Variants in MRPS9 observed in about 807,000 individuals in gnomAD.
MRPS9 encodes small ribosomal subunit protein uS9m.
Under a neutral mutation model 59.9 loss-of-function variants are expected in MRPS9, and 45 were observed. The ratio of observed to expected loss-of-function variants is 0.75; its 90% CI spans 0.59 to 0.96. MRPS9 has a LOEUF of 0.96. Ranked by LOEUF, MRPS9 falls within the 40% of genes least tolerant of loss-of-function variation. The probability of loss-of-function intolerance (pLI) is 0.00; values close to 1 mark genes in which losing one functional copy is unlikely to be tolerated. For synonymous variants in MRPS9, 171 were observed against 166.8 expected (o/e 1.03, Z -0.19); for missense variants, 473 against 481.1 (o/e 0.98, Z 0.16).
chr2:105,067,402 A>G lies in MRPS9; in HGVS notation c.316-3911A>G, dbSNP rs377473151. Among the ~76,000 whole-genome samples the G allele has an allele frequency of 8.8e-4, 134 of 152,294 alleles. 1 individual carries two copies. Among genetic ancestry groups the G allele is most frequent in the African/African-American group, 3.1e-3 (128 of 41,576 alleles). On this transcript the variant is annotated intron_variant, in intron 2 of 10. Coordinates refer to ENST00000258455, the MANE Select transcript of MRPS9 (RefSeq NM_182640.3). ...ATATTGTATACTTCTCGTTACATCC[A>G]CGAAGTCTGAGAGGTACATAGTCAG... is the stretch of plus-strand genomic sequence containing the variant.
intron 1 of MRPS9, among the ~76,000 whole-genome samples, chr2:105,042,144 A>G (rs759419708): frequency 2.0e-5 from 3 of 152,230 alleles, no homozygotes; most frequent in Non-Finnish European, 4.4e-5. Flanking sequence ...AGGGTTCTCC[A>G]GGCACACTTT....
At chr2:105,084,247 A>AATATAG (rs754016660) in intron 5 of MRPS9, among the ~76,000 whole-genome samples, 6 of 139,592 alleles carry the variant, frequency 4.3e-5, no homozygotes, top group Non-Finnish European at 6.2e-5. Flanking sequence ...TATATACCAA[A>AATATAG]ATATATATAT....
chr2:105,041,613 A>G (rs1170688094), intron 1 of MRPS9, among the ~76,000 whole-genome samples: 1 of 151,802 alleles, frequency 6.6e-6, no homozygotes, highest in Non-Finnish European at 1.5e-5. Flanking sequence ...CTTTAGTAGG[A>G]TCTTAATACA....
At chr2:105,068,889 A>C (rs888541426) in intron 2 of MRPS9, among the ~76,000 whole-genome samples, 4 of 152,194 alleles carry the variant, frequency 2.6e-5, no homozygotes, top group Admixed American at 1.3e-4. Context: ...TGTTCTCATA[A>C]ATCAGTGAAT....
chr2:105,063,237 G>A (rs1006812279), intron 2 of MRPS9, among the ~76,000 whole-genome samples: 1 of 152,144 alleles, frequency 6.6e-6, no homozygotes, highest in Non-Finnish European at 1.5e-5. Context: ...TCTGTGAATA[G>A]CCACTGCTCT....
chr2:105,071,559 C>T (rs374682798), intron 4 of MRPS9, 70 bp downstream of exon 4: 294 of 1,463,452 alleles, frequency 2.0e-4, no homozygotes, highest in Non-Finnish European at 2.6e-4. Flanking sequence ...TATGTATCAG[C>T]GGTTGCTCAC....
At chr2:105,072,232 T>C (rs1387538614) in intron 4 of MRPS9, among the ~76,000 whole-genome samples, 3 of 152,342 alleles carry the variant, frequency 2.0e-5, no homozygotes, top group South Asian at 2.1e-4. Context: ...TGGTTTTGAG[T>C]GTGTCTGCTG....
At chr2:105,067,327 T>C (rs1680019862) in intron 2 of MRPS9, among the ~76,000 whole-genome samples, 2 of 152,210 alleles carry the variant, frequency 1.3e-5, no homozygotes, top group South Asian at 4.1e-4. Context: ...GGCTTTCTGC[T>C]TGCTTTCTCG....
At chr2:105,064,504 C>G (rs560464303) in intron 2 of MRPS9, among the ~76,000 whole-genome samples, 1 of 152,224 alleles carries the variant, frequency 6.6e-6, no homozygotes, top group East Asian at 1.9e-4. Flanking sequence ...TTCACATGAT[C>G]CTTGAGGTTG....
At chr2:105,042,012 G>A (rs955984243) in intron 1 of MRPS9, among the ~76,000 whole-genome samples, 5 of 152,116 alleles carry the variant, frequency 3.3e-5, no homozygotes, top group African/African-American at 1.2e-4. Context: ...AAACTTTCTT[G>A]TACAATGCTT....
chr2:105,038,197 C>T lies in MRPS9; in HGVS notation c.105C>T (p.Ala35=). The change falls in exon 1 of 11, where the codon GCC becomes GCT. Residue 35 remains alanine (A), a synonymous_variant. Coordinates refer to ENST00000258455, the MANE Select transcript of MRPS9 (RefSeq NM_182640.3). ...AGCAAGGCCTCTGGAAAACCGCGGC[C>T]CCTGAGTTGCAAACAAATGTCAGAT... ...ARKQGLWKTA[A]PELQTNVRSQ... The T allele has an allele frequency of 6.2e-7, 1 of 1,612,930 alleles. No individual in the cohort carries two copies. Among genetic ancestry groups the T allele is most frequent in the Non-Finnish European group, 8.5e-7 (1 of 1,179,520 alleles).
At chr2:105,079,940 T>C (rs1283861764) in intron 4 of MRPS9, 43 bp from the exon 5 acceptor site, 1 of 1,442,494 alleles carries the variant, frequency 6.9e-7, no homozygotes, top group Middle Eastern at 1.7e-4. Context: ...GGTCTGTCTC[T>C]GTGTATATTT....
chr2:105,079,551 G>C (rs1680287580), intron 4 of MRPS9, among the ~76,000 whole-genome samples: 1 of 151,892 alleles, frequency 6.6e-6, no homozygotes, highest in Non-Finnish European at 1.5e-5. Flanking sequence ...ACATTCTTTA[G>C]TTTTCATTTG....
intron 4 of MRPS9, among the ~76,000 whole-genome samples, chr2:105,077,449 G>A (rs1680235572): frequency 6.6e-6 from 1 of 152,008 alleles, no homozygotes; most frequent in African/African-American, 2.4e-5. Flanking sequence ...AGCTAGTTGT[G>A]CTAGTAGAGG....
chr2:105,046,496 G>T (rs1175542712), intron 1 of MRPS9, among the ~76,000 whole-genome samples: 1 of 151,824 alleles, frequency 6.6e-6, no homozygotes, highest in Non-Finnish European at 1.5e-5. Context: ...TGAAGCTCAG[G>T]TCTGTCCATG....
intron 1 of MRPS9, among the ~76,000 whole-genome samples, chr2:105,048,866 A>G (rs2104440945): frequency 6.6e-6 from 1 of 152,060 alleles, no homozygotes; most frequent in African/African-American, 2.4e-5. Context: ...GACATTGACC[A>G]ATCATTATCA....
rs113349317 is a variant in MRPS9, at chr2:105,084,785, G to A, written c.490-4199G>A. Among the ~76,000 whole-genome samples, 77 of 152,186 alleles carry A rather than the reference G, an allele frequency of 5.1e-4. 1 individual carries two copies. The highest frequency in any genetic ancestry group is 7.5e-4 in the Non-Finnish European group (51 of 67,996). On this transcript the variant is annotated intron_variant, in intron 5 of 10. Transcript: ENST00000258455. ...TAATTCAGTAATTAATTCAGCAGTC[G>A]AAATTGCTGTTATAGAGGTGTCTTT...
At chr2:105,048,579 A>T (rs141812449) in intron 1 of MRPS9, among the ~76,000 whole-genome samples, 35 of 152,168 alleles carry the variant, frequency 2.3e-4, no homozygotes, top group African/African-American at 7.7e-4. Flanking sequence ...CCAAATTAAT[A>T]AATCTTCTCA....
intron 1 of MRPS9, 29 bp from the exon 2 acceptor site, chr2:105,049,141 TC>T: frequency 7.1e-7 from 1 of 1,402,596 alleles, no homozygotes; most frequent in Non-Finnish European, 9.8e-7. Flanking sequence ...TAATTTATTT[TC>T]TTTTCTTTCC....
Sources: allele counts gnomAD v4.1 joint callset (sites outside exome capture counted in the v4.1 genomes callset), GRCh38; gene constraint gnomAD v4.1.1; transcripts MANE v1.5; gene names NCBI Gene and HGNC (gene_info 2026-07-23, HGNC 2026-07-21).